The following SH3RF1 variants were observed in gnomAD, a reference collection of about 807,000 sequenced individuals.
SH3RF1 encodes the protein E3 ubiquitin-protein ligase SH3RF1.
SH3RF1 carries 32 observed loss-of-function variants against 74.0 expected under a neutral mutation model. The observed-to-expected ratio is 0.43, with a 90% CI of 0.33 to 0.58. The LOEUF (loss-of-function observed/expected upper bound fraction) is 0.58. Ranked by LOEUF, SH3RF1 falls within the 20% of genes least tolerant of loss-of-function variation. The pLI is 0.05. For synonymous variants in SH3RF1, 396 were observed against 439.6 expected (o/e 0.90, Z 1.24); for missense variants, 954 against 1,130.9 (o/e 0.84, Z 2.24).
In SH3RF1 at chr4:169,269,090, T is replaced by C; in HGVS notation, c.123A>G (p.Val41=). Residue 41 remains valine, a synonymous_variant, in exon 2 of 12, where the codon GTA becomes GTG. Coordinates refer to ENST00000284637, the MANE Select transcript of SH3RF1 (RefSeq NM_020870.4). ...GACATCTGAGTTCATTTCGAGAACC[T>C]ACGATCCCCAGCAAACATCGCTTGC... ...TFCKRCLLGI[V]GSRNELRCPE... 2 of 1,614,148 alleles carry C rather than the reference T, an allele frequency of 1.2e-6. No homozygotes were observed. The highest frequency in any genetic ancestry group is 1.7e-6 in the Non-Finnish European group (2 of 1,180,016).
At chr4:169,108,385 T>C (rs1298132364) in intron 10 of SH3RF1, among the ~76,000 whole-genome samples, 1 of 152,186 alleles carries the variant, frequency 6.6e-6, no homozygotes, top group Admixed American at 6.5e-5. Flanking sequence ...CTAACAACAT[T>C]GTTCCATTAG....
chr4:169,114,129 G>A (rs537403297), intron 10 of SH3RF1, among the ~76,000 whole-genome samples: 60 of 152,268 alleles, frequency 3.9e-4, no homozygotes, highest in Non-Finnish European at 7.1e-4. Context: ...AGATGGTGCC[G>A]TAACAGGTTA....
intron 2 of SH3RF1, among the ~76,000 whole-genome samples, chr4:169,256,570 C>T (rs113801242): frequency 0.03 from 4,576 of 152,240 alleles, 104 homozygotes; most frequent in Non-Finnish European, 0.043. Flanking sequence ...AGACTACATA[C>T]ACACCAATAG....
intron 2 of SH3RF1, among the ~76,000 whole-genome samples, chr4:169,232,765 A>G (rs1730763187): frequency 6.6e-6 from 1 of 152,200 alleles, no homozygotes; most frequent in Non-Finnish European, 1.5e-5. Context: ...AATGGCTGCT[A>G]CTAGATATGT....
Position 169,122,188 on chromosome 4 carries a change from C to A in SH3RF1, c.1258G>T (p.Ala420Ser). The change falls in exon 7 of 12, where the codon GCT becomes TCT. Residue 420 changes from alanine (A) to serine (S), a missense_variant. By Grantham distance (99) the Ala-to-Ser change is moderately conservative. Around this residue, in one of 3 missense-constraint regions of SH3RF1, gnomAD observed 854 missense variants for 962.5 expected, o/e 0.89. Transcript: ENST00000284637. ...LASTPPGATA[A>S]AAAAGMGPRP... ...GGTCCCATTCCAGCAGCAGCAGCAG[C>A]GGCGGTGGCGCCTGGTGGTGTGGAG... 1.2e-6 allele frequency: 2 copies of A among 1,613,570 alleles called. No homozygotes were observed. Among genetic ancestry groups the A allele is most frequent in the South Asian group, 1.1e-5 (1 of 91,018 alleles).
intron 4 of SH3RF1, among the ~76,000 whole-genome samples, chr4:169,143,340 C>CT (rs1325878550): frequency 2.0e-5 from 3 of 152,128 alleles, no homozygotes; most frequent in East Asian, 3.9e-4. Flanking sequence ...TGGGTACATT[C>CT]TTTTTTTGTA....
intron 4 of SH3RF1, among the ~76,000 whole-genome samples, chr4:169,147,963 A>T (rs1158842893): frequency 6.6e-6 from 1 of 152,112 alleles, no homozygotes; most frequent in Non-Finnish European, 1.5e-5. Flanking sequence ...AATAATAAAA[A>T]TAAAAAGTTG....
At position 169,153,293 on chromosome 4, in the gene SH3RF1, T is replaced by C. The variant is rs78862748; in HGVS notation, c.765+2187A>G. On this transcript the variant is annotated intron_variant, in intron 4 of 11. Transcript: ENST00000284637. ...TCTCATTCAATCTTCTCCAAACTTC[T>C]AGGAGATAACAGTTTTTGGCAGGAC... Among the ~76,000 whole-genome samples the C allele has an allele frequency of 9.5e-3, 1,444 of 152,250 alleles. 15 individuals are homozygous for C. The highest frequency in any genetic ancestry group is 0.014 in the Non-Finnish European group (976 of 68,008).
At chr4:169,135,379 A>G (rs968137494) in intron 5 of SH3RF1, among the ~76,000 whole-genome samples, 4 of 152,152 alleles carry the variant, frequency 2.6e-5, no homozygotes, top group East Asian at 1.9e-4. Flanking sequence ...CACCATAGCT[A>G]TATGGTGGAG....
intron 2 of SH3RF1, among the ~76,000 whole-genome samples, chr4:169,162,441 C>T (rs1734164584): frequency 6.6e-6 from 1 of 152,110 alleles, no homozygotes; most frequent in African/African-American, 2.4e-5. Context: ...ACTGAGAATC[C>T]CATAATTCCA....
intron 2 of SH3RF1, among the ~76,000 whole-genome samples, chr4:169,158,728 C>A (rs745596499): frequency 3.9e-5 from 6 of 152,198 alleles, no homozygotes; most frequent in Non-Finnish European, 8.8e-5. Flanking sequence ...TTACTTATAT[C>A]ATTGTCTGCC....
At chr4:169,124,997 C>CA (rs1334062563) in intron 6 of SH3RF1, among the ~76,000 whole-genome samples, 9 of 151,984 alleles carry the variant, frequency 5.9e-5, no homozygotes, top group Non-Finnish European at 1.3e-4. Context: ...CTACTACAGG[C>CA]AAAAAACAGC....
chr4:169,210,450 G>A (rs971883116), intron 2 of SH3RF1, among the ~76,000 whole-genome samples: 2 of 152,190 alleles, frequency 1.3e-5, no homozygotes, highest in South Asian at 2.1e-4. Flanking sequence ...ATAAATTACA[G>A]TGAAACATTA....
chr4:169,196,603 C>T (rs996461144), intron 2 of SH3RF1, among the ~76,000 whole-genome samples: 2 of 152,160 alleles, frequency 1.3e-5, no homozygotes, highest in African/African-American at 4.8e-5. Flanking sequence ...AATTTCAGGG[C>T]ATGAGAAAAT....
At chr4:169,191,801 T>G (rs527237372) in intron 2 of SH3RF1, among the ~76,000 whole-genome samples, 17 of 152,214 alleles carry the variant, frequency 1.1e-4, no homozygotes, top group African/African-American at 4.1e-4. Flanking sequence ...AGAAAAGCCT[T>G]TTTCAACAAA....
chr4:169,201,262 GCTTTAAC>G (rs1265450291), intron 2 of SH3RF1, among the ~76,000 whole-genome samples: 1 of 152,136 alleles, frequency 6.6e-6, no homozygotes, highest in African/African-American at 2.4e-5. Context: ...GCCAGAGCTG[GCTTTAAC>G]AATTGACGAA....
intron 2 of SH3RF1, among the ~76,000 whole-genome samples, chr4:169,191,407 A>T (rs1034100868): frequency 3.3e-5 from 5 of 152,090 alleles, no homozygotes; most frequent in Admixed American, 6.6e-5. Flanking sequence ...ACACAAACAA[A>T]TGGAAACACA....
chr4:169,149,736 T>C (rs572110705), intron 4 of SH3RF1, among the ~76,000 whole-genome samples: 43 of 152,294 alleles, frequency 2.8e-4, no homozygotes, highest in African/African-American at 1.0e-3. Context: ...AGGAAAATAA[T>C]ACATCTAAAG....
chr4:169,239,493 T>A (rs568299796), intron 2 of SH3RF1, among the ~76,000 whole-genome samples: 2 of 152,322 alleles, frequency 1.3e-5, no homozygotes, highest in East Asian at 3.9e-4. Flanking sequence ...TATGTATGTA[T>A]GTTTTTATTA....
Sources: gnomAD v4.1 joint callset for allele counts (sites outside exome capture counted in the v4.1 genomes callset) on GRCh38, gnomAD v4.1.1 for gene constraint, gnomAD v4.1.1 regional missense constraint, MANE v1.5 for transcripts, NCBI Gene and HGNC (gene_info 2026-07-23, HGNC 2026-07-21) for gene names.